LARP4B: variants seen among roughly 807,000 people sequenced by gnomAD.
LARP4B encodes the protein La ribonucleoprotein 4B.
LARP4B carries 12 observed loss-of-function variants against 89.8 expected under a neutral mutation model. That is an observed-to-expected ratio of 0.13 (90% confidence interval 0.09 to 0.22). The LOEUF (loss-of-function observed/expected upper bound fraction) is 0.22. Ranked by LOEUF, LARP4B falls within the 10% of genes least tolerant of loss-of-function variation. The pLI, the probability that LARP4B is intolerant of heterozygous loss-of-function variation, is 1.00. For missense variants in LARP4B, 757 were observed against 947.7 expected, an observed-to-expected ratio of 0.80 and a Z score of 2.64; for synonymous variants, 367 against 363.3, an observed-to-expected ratio of 1.01 and a Z score of -0.12.
intron 13 of LARP4B, among the ~76,000 whole-genome samples, chr10:821,151 C>A (rs1411191264): frequency 2.0e-5 from 3 of 152,222 alleles, no homozygotes; most frequent in Non-Finnish European, 4.4e-5. Flanking sequence ...TACTGAACAT[C>A]CACTGGGTGG....
chr10:956,434 C>T, the LARP4B span, among the ~76,000 whole-genome samples: 3 of 151,970 alleles, frequency 2.0e-5, no homozygotes, highest in Non-Finnish European at 4.4e-5. This position sits in a 1 kb window ranked among gnomAD's most constrained non-coding sequence, Gnocchi z 4.3. Context: ...CAAGGTCTGC[C>T]TCCCGGGTTC....
chr10:825,053 TCAA>T lies in LARP4B; in HGVS notation c.1484+9_1484+11del. On this transcript the variant is annotated intron_variant, in intron 13 of 17. Transcript: ENST00000316157. ...GTTTATGATGTTACACAGTAACTGC[TCAA>T]CAACTCACCTTCCCCTCCCTAAACC... 1 of 1,611,704 alleles carries T rather than the reference TCAA, an allele frequency of 6.2e-7. No individual in the cohort carries two copies. The highest frequency in any genetic ancestry group is 1.1e-5 in the South Asian group (1 of 90,978).
chr10:907,186 G>A (rs923658024), intron 1 of LARP4B, among the ~76,000 whole-genome samples: 3 of 152,154 alleles, frequency 2.0e-5, no homozygotes, highest in Admixed American at 2.0e-4. Flanking sequence ...TGTCTACCCT[G>A]TTCACTGTTG....
At chr10:919,459 C>T (rs1564446449) in intron 1 of LARP4B, among the ~76,000 whole-genome samples, 1 of 151,508 alleles carries the variant, frequency 6.6e-6, no homozygotes, top group East Asian at 1.9e-4. Flanking sequence ...GACTCAGTTT[C>T]CCAAACAGTA....
intron 1 of LARP4B, among the ~76,000 whole-genome samples, chr10:922,946 ACGCCTG>A (rs1837025033): frequency 6.6e-6 from 1 of 152,084 alleles, no homozygotes; most frequent in East Asian, 1.9e-4. Flanking sequence ...GTGGTGGCAC[ACGCCTG>A]CAGTCCCAGT....
the LARP4B span, among the ~76,000 whole-genome samples, chr10:954,722 G>A: frequency 1.3e-5 from 2 of 152,116 alleles, no homozygotes; most frequent in African/African-American, 2.4e-5. This position sits in a 1 kb window ranked among gnomAD's most constrained non-coding sequence, Gnocchi z 5.0. Flanking sequence ...TGCGACACAT[G>A]CATGGCAGAT....
At chr10:905,546 G>A (rs1443702450) in intron 1 of LARP4B, among the ~76,000 whole-genome samples, 1 of 152,190 alleles carries the variant, frequency 6.6e-6, no homozygotes, top group East Asian at 1.9e-4. Context: ...GCCCAGTCTA[G>A]ATCCCATTTA....
chr10:821,512 C>T (rs1008919977), intron 13 of LARP4B, among the ~76,000 whole-genome samples: 2 of 152,212 alleles, frequency 1.3e-5, no homozygotes, highest in African/African-American at 4.8e-5. Context: ...ACGTGGAGAC[C>T]TAGGACTCTA....
chr10:836,305 A>C, intron 8 of LARP4B, 98 bp downstream of exon 8: 1 of 816,978 alleles, frequency 1.2e-6, no homozygotes, highest in Non-Finnish European at 2.0e-6. Context: ...AGTCTAAAAA[A>C]CACACAGCCC....
intron 11 of LARP4B, 23 bp from the exon 12 acceptor site, chr10:825,893 A>C (rs1832595792): frequency 6.8e-7 from 1 of 1,473,836 alleles, no homozygotes; most frequent in African/African-American, 1.4e-5. Context: ...GAAAACAGAC[A>C]AGTAAATAAA....
chr10:863,039 A>T (rs1481126530), intron 5 of LARP4B, among the ~76,000 whole-genome samples: 1 of 152,148 alleles, frequency 6.6e-6, no homozygotes, highest in Admixed American at 6.5e-5. Context: ...CCTCATCAAC[A>T]GGAAAGAAGT....
chr10:885,887 A>C (rs1018464178), intron 1 of LARP4B, 127 bp from the exon 2 acceptor site: 5 of 521,936 alleles, frequency 9.6e-6, no homozygotes, highest in Non-Finnish European at 1.4e-5. Flanking sequence ...AGTTTAAAGA[A>C]GTCTTCCCAT....
chr10:839,645 G>C (rs1555899), intron 7 of LARP4B, among the ~76,000 whole-genome samples: 24,125 of 152,144 alleles, frequency 0.16, 2,064 homozygotes, highest in Non-Finnish European at 0.19. Flanking sequence ...GATTGCATAC[G>C]AAGTGTCAGA....
At chr10:874,290 A>C (rs998020996) in intron 3 of LARP4B, among the ~76,000 whole-genome samples, 1 of 152,212 alleles carries the variant, frequency 6.6e-6, no homozygotes, top group Non-Finnish European at 1.5e-5. Flanking sequence ...GTAATGTTCA[A>C]GTTAATGATG....
At chr10:848,590 T>C (rs182206294) in intron 5 of LARP4B, among the ~76,000 whole-genome samples, 2 of 150,024 alleles carry the variant, frequency 1.3e-5, no homozygotes, top group South Asian at 2.1e-4. Flanking sequence ...AAAAAACTTA[T>C]AGAGATGAAA....
At chr10:866,673 C>A (rs551987292) in intron 3 of LARP4B, among the ~76,000 whole-genome samples, 1 of 152,372 alleles carries the variant, frequency 6.6e-6, no homozygotes, top group East Asian at 1.9e-4. Context: ...AGTTTTCCAG[C>A]CTCGGTTCCA....
At chr10:837,896 AT>A (rs1196159198) in intron 7 of LARP4B, among the ~76,000 whole-genome samples, 12 of 152,218 alleles carry the variant, frequency 7.9e-5, no homozygotes, top group African/African-American at 2.9e-4. Flanking sequence ...ATTGGACTAT[AT>A]AAAAAATGTC....
chr10:940,438 G>T, the LARP4B span, among the ~76,000 whole-genome samples: 1 of 152,232 alleles, frequency 6.6e-6, no homozygotes, highest in African/African-American at 2.4e-5. Flanking sequence ...GCAGGCATGA[G>T]CCATCACGCC....
At chr10:954,547 C>T in the LARP4B span, among the ~76,000 whole-genome samples, 15 of 152,128 alleles carry the variant, frequency 9.9e-5, no homozygotes, top group Non-Finnish European at 1.9e-4. The surrounding 1 kb of genome is among the most constrained non-coding windows in gnomAD (Gnocchi z 5.0). Flanking sequence ...GGAGTCGGGA[C>T]ATGGCCTTGG....
Sources: allele counts gnomAD v4.1 joint callset (sites outside exome capture counted in the v4.1 genomes callset), GRCh38; gene constraint gnomAD v4.1.1; non-coding constraint Gnocchi (gnomAD v3.1); transcripts MANE v1.5; gene names NCBI Gene and HGNC (gene_info 2026-07-23, HGNC 2026-07-21).